SLC8A1: variants seen among roughly 807,000 people sequenced by gnomAD.
The protein encoded by SLC8A1 is sodium/calcium exchanger 1.
SLC8A1 carries 18 observed loss-of-function variants against 68.3 expected under a neutral mutation model. The ratio of observed to expected loss-of-function variants is 0.26; its 90% CI spans 0.18 to 0.39. The LOEUF is 0.39. Among genes scored for constraint, SLC8A1 ranks in the 10% least tolerant of loss-of-function variants. SLC8A1 has a pLI of 1.00. For missense variants in SLC8A1, 985 were observed against 1,156.7 expected, an observed-to-expected ratio of 0.85 and a Z score of 2.15; for synonymous variants, 475 against 415.5, an observed-to-expected ratio of 1.14 and a Z score of -1.74.
intron 2 of SLC8A1, among the ~76,000 whole-genome samples, chr2:40,413,193 G>GC (rs1692722685): frequency 6.6e-6 from 1 of 152,160 alleles, no homozygotes. Context: ...AGTCGGTGTG[G>GC]CGATTCCTCA....
At chr2:40,288,864 AT>A (rs35858344) in intron 2 of SLC8A1, among the ~76,000 whole-genome samples, 48,741 of 125,644 alleles carry the variant, frequency 0.39, 8,841 homozygotes, top group East Asian at 0.67. Context: ...TATATATATG[AT>A]TTTTTTTTTT....
Position 40,164,990 on chromosome 2 carries a change from A to T in SLC8A1, c.1931-6T>A, listed in dbSNP as rs1242099014. ...CTGCTTGTCATCATATTCGTCTGTG[A>T]AACGGAAGTATCAGAGAGTGAGCAC... On this transcript the variant is annotated splice_region_variant and splice_polypyrimidine_tract_variant and intron_variant, in intron 4 of 7. Coordinates refer to ENST00000406785, the Ensembl canonical transcript of SLC8A1. 8.7e-6 allele frequency: 14 copies of T among 1,613,586 alleles called. No homozygotes were observed. The highest frequency in any genetic ancestry group is 1.3e-5 in the African/African-American group (1 of 74,896).
intron 2 of SLC8A1, among the ~76,000 whole-genome samples, chr2:40,345,846 C>T (rs910162495): frequency 2.0e-5 from 3 of 151,576 alleles, no homozygotes; most frequent in Non-Finnish European, 2.9e-5. Context: ...CCCTGTCGGG[C>T]GGTGGAGGGC....
chr2:40,284,506 A>C (rs1003720606), intron 2 of SLC8A1, among the ~76,000 whole-genome samples: 1 of 142,700 alleles, frequency 7.0e-6, no homozygotes, highest in Non-Finnish European at 1.5e-5. Context: ...TCTAGCCAAC[A>C]ATATATATAG....
chr2:40,266,350 A>G (rs1172352479), intron 2 of SLC8A1, among the ~76,000 whole-genome samples: 1 of 152,130 alleles, frequency 6.6e-6, no homozygotes, highest in Non-Finnish European at 1.5e-5. Flanking sequence ...ATGACTAGCT[A>G]TATCACTCTG....
At chr2:40,467,505 A>T (rs1322012727) in intron 1 of SLC8A1, among the ~76,000 whole-genome samples, 1 of 152,158 alleles carries the variant, frequency 6.6e-6, no homozygotes, top group Middle Eastern at 3.2e-3. Flanking sequence ...CTCAATTAAA[A>T]ACATTGGCAG....
rs1278289320 is a variant in SLC8A1 at position 40,272,191 on chromosome 2, T to C, written c.1809-94336A>G. Among the ~76,000 whole-genome samples, 6 of 152,300 alleles carry C rather than the reference T, an allele frequency of 3.9e-5. No individual in the cohort carries two copies. The East Asian group carries it at 1.2e-3, about 29-fold the overall frequency. On this transcript the variant is annotated intron_variant, in intron 2 of 7. Coordinates refer to ENST00000406785, the Ensembl canonical transcript of SLC8A1. ...CCAAAACTTATTTTTTAATTCCCAA[T>C]TCCATCTCATGTCTCTCCTTTGTTC...
chr2:40,179,869 T>C (rs2049133313), intron 2 of SLC8A1, among the ~76,000 whole-genome samples: 1 of 152,224 alleles, frequency 6.6e-6, no homozygotes, highest in Non-Finnish European at 1.5e-5. Flanking sequence ...TGCCAAATGC[T>C]TAAGTCTTGC....
At chr2:40,196,906 A>C (rs2053157170) in intron 2 of SLC8A1, among the ~76,000 whole-genome samples, 1 of 152,038 alleles carries the variant, frequency 6.6e-6, no homozygotes, top group Non-Finnish European at 1.5e-5. Flanking sequence ...GTCTACTCTC[A>C]GTGCATTGAT....
At chr2:40,407,952 T>C (rs896776543) in intron 2 of SLC8A1, among the ~76,000 whole-genome samples, 3 of 152,218 alleles carry the variant, frequency 2.0e-5, no homozygotes, top group Non-Finnish European at 4.4e-5. Context: ...CCAGTTTGCA[T>C]TTATTCACTC....
intron 2 of SLC8A1, among the ~76,000 whole-genome samples, chr2:40,418,486 T>G (rs907085511): frequency 2.0e-5 from 3 of 152,190 alleles, no homozygotes; most frequent in African/African-American, 7.2e-5. Context: ...CAGGATATTC[T>G]GAGGTACTAG....
At chr2:40,191,869 A>G (rs2051927087) in intron 2 of SLC8A1, among the ~76,000 whole-genome samples, 1 of 152,258 alleles carries the variant, frequency 6.6e-6, no homozygotes, top group African/African-American at 2.4e-5. Flanking sequence ...TTATAGGGAA[A>G]CGTTGTTTTG....
chr2:40,390,156 G>A (rs1320063025), intron 2 of SLC8A1, among the ~76,000 whole-genome samples: 1 of 152,088 alleles, frequency 6.6e-6, no homozygotes, highest in African/African-American at 2.4e-5. Flanking sequence ...AGTAAAGTAA[G>A]AGCATTAGTA....
intron 4 of SLC8A1, among the ~76,000 whole-genome samples, chr2:40,170,877 A>G (rs1487910557): frequency 1.3e-5 from 2 of 152,162 alleles, no homozygotes; most frequent in South Asian, 2.1e-4. Context: ...CCCATGTAAA[A>G]TGGTGATAAT....
intron 7 of SLC8A1, among the ~76,000 whole-genome samples, chr2:40,122,083 T>A (rs935192914): frequency 2.6e-5 from 4 of 152,170 alleles, no homozygotes; most frequent in Non-Finnish European, 5.9e-5. Flanking sequence ...TAGTGTTTAC[T>A]TATGTACTTG....
intron 2 of SLC8A1, among the ~76,000 whole-genome samples, chr2:40,379,718 T>C (rs552961342): frequency 6.6e-6 from 1 of 152,148 alleles, no homozygotes; most frequent in South Asian, 2.1e-4. Context: ...TGCCTTTATG[T>C]CAGCACTGGT....
chr2:40,152,645 G>T (rs891981389), intron 6 of SLC8A1, among the ~76,000 whole-genome samples: 1 of 150,916 alleles, frequency 6.6e-6, no homozygotes, highest in South Asian at 2.1e-4. Flanking sequence ...CAAACTCCTG[G>T]CCTCAAGTGA....
At chr2:40,225,038 C>T (rs901356911) in intron 2 of SLC8A1, among the ~76,000 whole-genome samples, 2 of 152,076 alleles carry the variant, frequency 1.3e-5, no homozygotes, top group African/African-American at 4.8e-5. Flanking sequence ...CTTGGTTTTT[C>T]CATTTAAGAC....
chr2:40,143,476 T>C (rs1558510420), intron 6 of SLC8A1, among the ~76,000 whole-genome samples: 3 of 152,222 alleles, frequency 2.0e-5, no homozygotes, highest in South Asian at 2.1e-4. Flanking sequence ...TTTGCTTTTA[T>C]AGAATCCCAA....
Sources: gnomAD v4.1 joint callset for allele counts (sites outside exome capture counted in the v4.1 genomes callset) on GRCh38, gnomAD v4.1.1 for gene constraint, MANE v1.5 for transcripts, NCBI Gene and HGNC (gene_info 2026-07-23, HGNC 2026-07-21) for gene names.